SMOC2: variants seen among roughly 807,000 people sequenced by gnomAD.
The protein encoded by SMOC2 is SPARC-related modular calcium-binding protein 2.
In SMOC2, 39 loss-of-function variants were observed where a neutral mutation model predicts 61.4. The observed-to-expected ratio is 0.64, with a 90% CI of 0.49 to 0.83. The LOEUF (loss-of-function observed/expected upper bound fraction) is 0.83. Among genes scored for constraint, SMOC2 ranks in the 40% least tolerant of loss-of-function variants. SMOC2 has a pLI of 0.00. For synonymous variants in SMOC2, 247 were observed against 239.9 expected (o/e 1.03, Z -0.27); for missense variants, 556 against 592.9 (o/e 0.94, Z 0.65).
chr6:168,516,949 G>A (rs879593615), intron 2 of SMOC2, among the ~76,000 whole-genome samples: 5 of 152,094 alleles, frequency 3.3e-5, no homozygotes, highest in African/African-American at 4.8e-5. Flanking sequence ...CTGAAACTCC[G>A]TCTGAAGAAA....
In SMOC2 at chr6:168,553,475, T is replaced by C. The variant is rs1338617286; in HGVS notation, c.637+4272T>C. Among the ~76,000 whole-genome samples the C allele has an allele frequency of 6.6e-6, 1 of 152,226 alleles. No homozygotes were observed. The highest frequency in any genetic ancestry group is 1.5e-5 in the Non-Finnish European group (1 of 68,036). The stretch of plus-strand genomic sequence containing the variant: ...ATTAGTACTCTTCCCTACTGGCATA[T>C]TAAGTACTTTCTAGATTTCTGCCTG... On this transcript the variant is annotated intron_variant, in intron 7 of 12. Coordinates refer to ENST00000356284, the MANE Select transcript of SMOC2 (RefSeq NM_001166412.2). This position sits in a 1 kb window ranked among gnomAD's most constrained non-coding sequence, Gnocchi z 4.2.
intron 4 of SMOC2, among the ~76,000 whole-genome samples, chr6:168,534,655 A>G (rs769291545): frequency 6.6e-6 from 1 of 152,240 alleles, no homozygotes; most frequent in Non-Finnish European, 1.5e-5. Flanking sequence ...AATATTTATT[A>G]CTTTTAACCT....
chr6:168,659,313 CAT>C (rs988509529), intron 11 of SMOC2, among the ~76,000 whole-genome samples: 10 of 152,172 alleles, frequency 6.6e-5, no homozygotes, highest in African/African-American at 2.2e-4. Context: ...TCGGGGGCCA[CAT>C]GTGAAGCACC....
chr6:168,579,603 C>T (rs1467671951), intron 7 of SMOC2, among the ~76,000 whole-genome samples: 2 of 152,324 alleles, frequency 1.3e-5, no homozygotes, highest in African/African-American at 2.4e-5. Flanking sequence ...TGTTTGCACC[C>T]GTCCTGAGGG....
At chr6:168,617,423 G>C (rs1020878675) in intron 9 of SMOC2, among the ~76,000 whole-genome samples, 1 of 152,158 alleles carries the variant, frequency 6.6e-6, no homozygotes, top group African/African-American at 2.4e-5. Context: ...CCAAGGACGG[G>C]TCTCCCAGGG....
chr6:168,471,477 T>A (rs1179358618), intron 1 of SMOC2, among the ~76,000 whole-genome samples: 1 of 152,238 alleles, frequency 6.6e-6, no homozygotes, highest in East Asian at 1.9e-4. Flanking sequence ...CTTTAGCTTA[T>A]GCCTTCATCT....
chr6:168,653,033 A>G lies in SMOC2; in HGVS notation c.1090A>G (p.Ser364Gly). 6.2e-7 allele frequency: 1 copy of G among 1,614,210 alleles called. No homozygotes were observed. Among genetic ancestry groups the G allele is most frequent in the Non-Finnish European group, 8.5e-7 (1 of 1,180,030 alleles). The change falls in exon 11 of 13, where the codon AGT (serine) becomes GGT (glycine). Residue 364 changes from serine (S) to glycine (G), a missense_variant. Coordinates refer to ENST00000356284, the MANE Select transcript of SMOC2 (RefSeq NM_001166412.2). ...CTTCAAACTACTGGATAAAAACTCC[A>G]GTGGAGACATCGGCAAAAAGGAAAT... ...WYFKLLDKNS[S>G]GDIGKKEIKP...
chr6:168,553,102 A>G lies in SMOC2; in HGVS notation c.637+3899A>G, dbSNP rs940043674. ...TACATAACTGGAAAAGAGAGAATCT[A>G]GGCACCCCTAGAGGTTGCCTATTAG... On this transcript the variant is annotated intron_variant, in intron 7 of 12. Transcript: ENST00000356284. The surrounding 1 kb of genome is among the most constrained non-coding windows in gnomAD (Gnocchi z 4.2). 1.3e-5 allele frequency among the ~76,000 whole-genome samples: 2 copies of G among 152,238 alleles called. No homozygotes were observed. The highest frequency in any genetic ancestry group is 2.9e-5 in the Non-Finnish European group (2 of 68,042).
intron 7 of SMOC2, among the ~76,000 whole-genome samples, chr6:168,587,511 A>G (rs1159461870): frequency 6.6e-6 from 1 of 152,238 alleles, no homozygotes; most frequent in South Asian, 2.1e-4. Flanking sequence ...TTAAGCAGAT[A>G]TGAGACAAAT....
chr6:168,640,539 G>A (rs758430098), intron 9 of SMOC2, among the ~76,000 whole-genome samples: 39 of 152,172 alleles, frequency 2.6e-4, no homozygotes, highest in Non-Finnish European at 5.0e-4. Flanking sequence ...GAAAACACTT[G>A]CTCTAAATAT....
chr6:168,615,777 A>G (rs62423361), intron 9 of SMOC2, among the ~76,000 whole-genome samples: 26,055 of 149,976 alleles, frequency 0.17, 3,149 homozygotes, highest in Middle Eastern at 0.31. Flanking sequence ...AGCCAGGAGC[A>G]TCTTTTTTCT....
At chr6:168,455,351 G>A (rs913134179) in intron 1 of SMOC2, among the ~76,000 whole-genome samples, 1 of 152,194 alleles carries the variant, frequency 6.6e-6, no homozygotes, top group African/African-American at 2.4e-5. Flanking sequence ...TCCCAGTCGT[G>A]GTTTTCTCTA....
At chr6:168,548,395 C>T (rs1223685587) in intron 6 of SMOC2, among the ~76,000 whole-genome samples, 1 of 136,276 alleles carries the variant, frequency 7.3e-6, no homozygotes, top group Non-Finnish European at 1.5e-5. Context: ...GCTTTTGTTG[C>T]CCAGGCTTCT....
intron 1 of SMOC2, among the ~76,000 whole-genome samples, chr6:168,499,728 C>G (rs1041867112): frequency 3.3e-5 from 5 of 152,328 alleles, no homozygotes; most frequent in African/African-American, 9.6e-5. Context: ...TAATTTTCCA[C>G]TGGGAGCCCG....
At chr6:168,657,046 CAAAAA>C (rs1787341398) in intron 11 of SMOC2, among the ~76,000 whole-genome samples, 3 of 152,224 alleles carry the variant, frequency 2.0e-5, no homozygotes, top group Admixed American at 2.0e-4. Flanking sequence ...TCTAATAAGA[CAAAAA>C]AGAAAAGAAA....
intron 1 of SMOC2, among the ~76,000 whole-genome samples, chr6:168,503,835 CA>C (rs890123206): frequency 3.6e-4 from 54 of 151,930 alleles, no homozygotes; most frequent in African/African-American, 1.1e-3. Flanking sequence ...CAGGGAGGAT[CA>C]AAAAAACGCA....
At chr6:168,529,536 ACT>A (rs1428396451) in intron 4 of SMOC2, among the ~76,000 whole-genome samples, 6 of 152,048 alleles carry the variant, frequency 3.9e-5, no homozygotes, top group Non-Finnish European at 8.8e-5. Context: ...TTACGGAAAA[ACT>A]CTCTTAATCC....
intron 9 of SMOC2, among the ~76,000 whole-genome samples, chr6:168,643,630 C>T (rs965128599): frequency 1.3e-5 from 2 of 152,192 alleles, no homozygotes; most frequent in African/African-American, 2.4e-5. Context: ...CTGCTGTTCC[C>T]GGCCTCATCA....
chr6:168,627,107 A>G (rs1415789565), intron 9 of SMOC2, among the ~76,000 whole-genome samples: 2 of 152,230 alleles, frequency 1.3e-5, no homozygotes, highest in East Asian at 3.8e-4. Flanking sequence ...ATATGTATAG[A>G]AAATTACCAT....
Sources: allele counts gnomAD v4.1 joint callset (sites outside exome capture counted in the v4.1 genomes callset), GRCh38; gene constraint gnomAD v4.1.1; non-coding constraint Gnocchi (gnomAD v3.1); transcripts MANE v1.5; gene names NCBI Gene and HGNC (gene_info 2026-07-23, HGNC 2026-07-21).